Variants in ELMO1 observed in about 807,000 individuals in gnomAD.
The protein encoded by ELMO1 is engulfment and cell motility protein 1.
ELMO1 carries 26 observed loss-of-function variants against 98.9 expected under a neutral mutation model. That is an observed-to-expected ratio of 0.26 (90% confidence interval 0.19 to 0.36). ELMO1 has a LOEUF of 0.36. ELMO1 is among the 10% of genes least tolerant of loss of function. The pLI is 1.00. For synonymous variants in ELMO1, 346 were observed against 346.0 expected, an observed-to-expected ratio of 1.00 and a Z score of 0.00; for missense variants, 627 against 935.2, an observed-to-expected ratio of 0.67 and a Z score of 4.30.
chr7:37,314,774 C>A, intron 4 of ELMO1, 76 bp downstream of exon 4: 1 of 1,410,478 alleles, frequency 7.1e-7, no homozygotes, highest in South Asian at 1.2e-5. Flanking sequence ...CATGTCTAGG[C>A]CCGAACAAAG....
Position 36,880,111 on chromosome 7 carries a change from T to C in ELMO1, c.1715-1994A>G, listed in dbSNP as rs568469104. On this transcript the variant is annotated intron_variant, in intron 18 of 21. Coordinates refer to ENST00000310758, the MANE Select transcript of ELMO1 (RefSeq NM_014800.11). Reference sequence around the variant, plus strand: ...GACCAGAAAGCCAACTGGAGAAATCTGCTATAAAGTTTTCCTTTCCTTGCT... The same window carrying C: ...GACCAGAAAGCCAACTGGAGAAATCCGCTATAAAGTTTTCCTTTCCTTGCT... Among the ~76,000 whole-genome samples the C allele has an allele frequency of 2.0e-5, 3 of 152,338 alleles. No individual in the cohort carries two copies. The South Asian group carries it at 6.2e-4, about 32-fold the overall frequency.
intron 4 of ELMO1, among the ~76,000 whole-genome samples, chr7:37,292,566 T>A (rs1261186947): frequency 9.8e-6 from 1 of 101,594 alleles, no homozygotes; most frequent in Non-Finnish European, 2.3e-5. Flanking sequence ...CGGCCGCCCA[T>A]CGTCTGAGAT....
intron 15 of ELMO1, among the ~76,000 whole-genome samples, chr7:37,079,213 T>A (rs148051808): frequency 6.6e-6 from 1 of 152,284 alleles, no homozygotes; most frequent in East Asian, 1.9e-4. Flanking sequence ...AATAAAAAAA[T>A]CTCACTTGAC....
At chr7:36,984,973 G>T in intron 16 of ELMO1, 7 of 985,382 alleles carry the variant, frequency 7.1e-6, no homozygotes, top group Non-Finnish European at 8.4e-6. Context: ...CGGTGCTTGG[G>T]TTGCATCTTG....
At chr7:37,439,602 C>T (rs777868518) in intron 1 of ELMO1, among the ~76,000 whole-genome samples, 1 of 152,180 alleles carries the variant, frequency 6.6e-6, no homozygotes, top group Non-Finnish European at 1.5e-5. Flanking sequence ...GGGCTATAAG[C>T]CCAGCAATAG....
intron 15 of ELMO1, among the ~76,000 whole-genome samples, chr7:37,063,904 C>A (rs576122554): frequency 6.6e-6 from 1 of 152,266 alleles, no homozygotes; most frequent in African/African-American, 2.4e-5. Context: ...CTCCTGCCAC[C>A]ACAACCACTT....
intron 13 of ELMO1, among the ~76,000 whole-genome samples, chr7:37,146,752 T>C (rs1205079793): frequency 6.6e-6 from 1 of 152,150 alleles, no homozygotes; most frequent in Non-Finnish European, 1.5e-5. Flanking sequence ...CTATCAAACC[T>C]GACCTAAGAG....
chr7:36,895,146 A>G, intron 16 of ELMO1, 129 bp from the exon 17 acceptor site: 1 of 1,026,402 alleles, frequency 9.7e-7, no homozygotes, highest in South Asian at 1.8e-5. Context: ...AACCTTGAGC[A>G]TGCTTTTCCA....
At chr7:37,285,638 A>C (rs1168972522) in intron 4 of ELMO1, among the ~76,000 whole-genome samples, 1 of 152,242 alleles carries the variant, frequency 6.6e-6, no homozygotes, top group Non-Finnish European at 1.5e-5. Flanking sequence ...GACCAGTTTG[A>C]GAATCCCATG....
Position 37,023,972 on chromosome 7 carries a change from T to C in ELMO1, c.1301-10537A>G, listed in dbSNP as rs190378699. ...AAACTGTAATAGACTTGACTAGTTG[T>C]GTATGAACTCTAAGAAGTGTTGCAC... On this transcript the variant is annotated intron_variant, in intron 15 of 21. Coordinates refer to ENST00000310758, the MANE Select transcript of ELMO1 (RefSeq NM_014800.11). 2.2e-3 allele frequency among the ~76,000 whole-genome samples: 333 copies of C among 152,316 alleles called. 2 individuals carry two copies. The highest frequency in any genetic ancestry group is 6.4e-3 in the African/African-American group (266 of 41,578).
intron 1 of ELMO1, among the ~76,000 whole-genome samples, chr7:37,437,979 C>CA (rs57418239): frequency 5.5e-5 from 1 of 18,048 alleles, no homozygotes; most frequent in African/African-American, 1.2e-4. Context: ...GACTCCGTCT[C>CA]AAAAAAAAAA....
At chr7:36,970,005 G>A (rs1186358999) in intron 16 of ELMO1, among the ~76,000 whole-genome samples, 8 of 151,800 alleles carry the variant, frequency 5.3e-5, no homozygotes, top group East Asian at 3.9e-4. Context: ...AAACTATACC[G>A]ATAGTAAAAA....
intron 2 of ELMO1, among the ~76,000 whole-genome samples, chr7:37,340,413 T>C (rs989074958): frequency 6.6e-6 from 1 of 152,168 alleles, no homozygotes; most frequent in Non-Finnish European, 1.5e-5. Context: ...ATAAAATTAC[T>C]TGTCAAAGCT....
chr7:36,937,383 C>A (rs1786636172), intron 16 of ELMO1, among the ~76,000 whole-genome samples: 1 of 152,160 alleles, frequency 6.6e-6, no homozygotes, highest in Non-Finnish European at 1.5e-5. Context: ...GGATGGCCAG[C>A]AATTCAACAG....
At chr7:36,878,413 A>G (rs1804145674) in intron 18 of ELMO1, among the ~76,000 whole-genome samples, 1 of 152,170 alleles carries the variant, frequency 6.6e-6, no homozygotes, top group South Asian at 2.1e-4. Context: ...TGTTATCACT[A>G]ATGATAACCA....
chr7:37,259,170 A>C lies in ELMO1; in HGVS notation c.413+11T>G, dbSNP rs764624960. On this transcript the variant is annotated intron_variant, in intron 6 of 21. Transcript: ENST00000310758. Reference sequence around the variant, plus strand: ...AGGACAGCTGTGGAAGTTAGGAAAAAAGACGCTTACTCAGTGCCGCTCTCC... The same window carrying C: ...AGGACAGCTGTGGAAGTTAGGAAAACAGACGCTTACTCAGTGCCGCTCTCC... 2 of 1,600,638 alleles carry C rather than the reference A, an allele frequency of 1.2e-6. No individual in the cohort carries two copies. Among genetic ancestry groups the C allele is most frequent in the South Asian group, 2.2e-5 (2 of 90,128 alleles).
At chr7:37,240,145 C>T (rs1287269768) in intron 7 of ELMO1, among the ~76,000 whole-genome samples, 1 of 150,440 alleles carries the variant, frequency 6.6e-6, no homozygotes, top group Non-Finnish European at 1.5e-5. Context: ...CTCAAGCAAT[C>T]CCCTAACTCA....
At chr7:37,429,023 GTT>G (rs1804821381) in intron 1 of ELMO1, among the ~76,000 whole-genome samples, 3 of 5,954 alleles carry the variant, frequency 5.0e-4, no homozygotes, top group Admixed American at 1.6e-3. Flanking sequence ...ACTGCAGGTT[GTT>G]GTTGTTGTTG....
At chr7:37,117,846 A>T (rs914419347) in intron 14 of ELMO1, among the ~76,000 whole-genome samples, 9 of 152,188 alleles carry the variant, frequency 5.9e-5, no homozygotes, top group Non-Finnish European at 1.5e-5. Context: ...GTTATTCTAA[A>T]CTGAATCCTT....
Sources: gnomAD v4.1 joint callset for allele counts (sites outside exome capture counted in the v4.1 genomes callset) on GRCh38, gnomAD v4.1.1 for gene constraint, MANE v1.5 for transcripts, NCBI Gene and HGNC (gene_info 2026-07-23, HGNC 2026-07-21) for gene names.